Variants in IGF2R observed in about 807,000 individuals in gnomAD.
IGF2R encodes the protein cation-independent mannose-6-phosphate receptor.
In IGF2R, 91 loss-of-function variants were observed where a neutral mutation model predicts 270.6. The observed-to-expected ratio is 0.34, with a 90% CI of 0.28 to 0.40. The LOEUF is 0.40. Among genes scored for constraint, IGF2R ranks in the 10% least tolerant of loss-of-function variants. The pLI is 1.00. For synonymous variants in IGF2R, 1,316 were observed against 1,258.9 expected, an observed-to-expected ratio of 1.05 and a Z score of -0.96; for missense variants, 2,805 against 3,188.3, an observed-to-expected ratio of 0.88 and a Z score of 2.90.
rs150838855 is a variant in IGF2R at position 160,049,002 on chromosome 6, G to A, written c.2514+459G>A. Among the ~76,000 whole-genome samples, 973 of 152,268 alleles carry A rather than the reference G, an allele frequency of 6.4e-3. 6 individuals carry two copies. The highest frequency in any genetic ancestry group is 1.0e-2 in the Non-Finnish European group (677 of 68,020). ...CGTCCCTGGGTTGAATGCAGTCACC[G>A]CCAGAACATTTACCCGTCTCCTGTG... is the stretch of plus-strand genomic sequence containing the variant. On this transcript the variant is annotated intron_variant, in intron 18 of 47. Transcript: ENST00000356956.
chr6:160,061,513 A>C lies in IGF2R; in HGVS notation c.3273A>C (p.Gly1091=). 6.2e-7 allele frequency: 1 copy of C among 1,613,946 alleles called. No homozygotes were observed. The highest frequency in any genetic ancestry group is 8.5e-7 in the Non-Finnish European group (1 of 1,179,926). ...PVDCQVTDLA[G]NEYDLTGLST... ...TTTGTTGTGTTTCAGACCTGGCTGG[A>C]AATGAGTACGACCTGACTGGCCTAA... The change falls in exon 24 of 48, where the codon GGA becomes GGC. Residue 1091 remains glycine (G), a synonymous_variant. Transcript: ENST00000356956.
intron 1 of IGF2R, among the ~76,000 whole-genome samples, chr6:159,972,386 T>C (rs1783623383): frequency 6.6e-6 from 1 of 152,220 alleles, no homozygotes; most frequent in Non-Finnish European, 1.5e-5. Context: ...TTTCCATTGA[T>C]AGTATTCTTG....
chr6:160,068,154 CT>C, intron 29 of IGF2R, 94 bp from the exon 30 acceptor site: 2 of 1,435,564 alleles, frequency 1.4e-6, no homozygotes, highest in Non-Finnish European at 1.9e-6. Context: ...CAGGCTTAGA[CT>C]ATGCCTGAAT....
At chr6:160,098,085 C>A (rs1211337008) in intron 45 of IGF2R, among the ~76,000 whole-genome samples, 2 of 152,164 alleles carry the variant, frequency 1.3e-5, no homozygotes, top group Non-Finnish European at 2.9e-5. Context: ...TGAACTTTCC[C>A]TGCATTCTCT....
intron 2 of IGF2R, 52 bp from the exon 3 acceptor site, chr6:160,008,958 G>A: frequency 6.3e-7 from 1 of 1,587,226 alleles, no homozygotes; most frequent in Non-Finnish European, 8.6e-7. Context: ...GGAAATAGCT[G>A]TTTGGTTATG....
In IGF2R at chr6:160,068,314, T is replaced by C; in HGVS notation, c.4181T>C (p.Ile1394Thr). ...LSRYSDNWEA[I>T]TGTGDPEHYL... ...AGGTACAGTGACAACTGGGAAGCCA[T>C]CACTGGGACGGGGGACCCGGAGCAC... The change falls in exon 30 of 48, where the codon ATC (isoleucine) becomes ACC (threonine). Residue 1394 changes from isoleucine to threonine, a missense_variant. Physicochemically the swap from Ile to Thr is moderately conservative, Grantham distance 89. Transcript: ENST00000356956. 1 of 1,614,246 alleles carries C rather than the reference T, an allele frequency of 6.2e-7. No homozygotes were observed. The highest frequency in any genetic ancestry group is 8.5e-7 in the Non-Finnish European group (1 of 1,180,046).
In IGF2R at chr6:160,040,682, G is replaced by A. The variant is rs561986253; in HGVS notation, c.1438G>A (p.Gly480Arg). 8.2e-5 allele frequency: 133 copies of A among 1,614,218 alleles called. 1 individual carries two copies. In the South Asian group the frequency reaches 1.0e-3, roughly 13 times the overall value. ...KEDLLCGATDGKKRYDLSALV... is the reference protein window; with the variant it reads ...KEDLLCGATDRKKRYDLSALV... The stretch of plus-strand genomic sequence containing the variant: ...AGACCTCCTCTGCGGTGCCACCGAC[G>A]GGAAGAAGCGCTATGACCTGTCCGC... The change falls in exon 11 of 48, where the codon GGG becomes AGG. Residue 480 changes from glycine (G) to arginine (R), a missense_variant. By Grantham distance (125) the Gly-to-Arg change is moderately radical (BLOSUM62 -2). Transcript: ENST00000356956.
In IGF2R at chr6:160,063,604, A is replaced by G. The variant is rs1179305800; in HGVS notation, c.3860A>G (p.Glu1287Gly). Residue 1287 changes from glutamate to glycine, a missense_variant, in exon 27 of 48, where the codon GAA becomes GGA. Coordinates refer to ENST00000356956, the MANE Select transcript of IGF2R (RefSeq NM_000876.4). ...KVVSSCQEKR[E>G]PQGFHKVAGL... ...GTCTCCTCATGTCAGGAAAAGCGGG[A>G]ACCGCAGGGATTTCACAAAGTGGCA... The G allele has an allele frequency of 1.5e-5, 24 of 1,614,148 alleles. No homozygotes were observed. The highest frequency in any genetic ancestry group is 2.0e-5 in the Non-Finnish European group (24 of 1,179,976).
chr6:160,078,320 C>T lies in IGF2R; in HGVS notation c.5436C>T (p.Leu1812=), dbSNP rs1472916037. 1.2e-6 allele frequency: 2 copies of T among 1,614,100 alleles called. No individual in the cohort carries two copies. The highest frequency in any genetic ancestry group is 1.3e-5 in the African/African-American group (1 of 74,934). ...GTACCCTGACAGATGAGCAGCTCCT[C>T]TACAGCTTCAACTTGTCCAGCCTTT... ...DGCTLTDEQL[L]YSFNLSSLST... Residue 1812 remains leucine (L), a synonymous_variant, in exon 37 of 48, where the codon CTC becomes CTT. Coordinates refer to ENST00000356956, the MANE Select transcript of IGF2R (RefSeq NM_000876.4).
At chr6:160,030,450 A>G (rs944441502) in intron 7 of IGF2R, among the ~76,000 whole-genome samples, 2 of 152,200 alleles carry the variant, frequency 1.3e-5, no homozygotes, top group Non-Finnish European at 2.9e-5. Context: ...TGTGTGGGAT[A>G]TGGAGACAGT....
intron 21 of IGF2R, 122 bp from the exon 22 acceptor site, chr6:160,058,784 G>T: frequency 1.2e-6 from 1 of 841,554 alleles, no homozygotes; most frequent in Non-Finnish European, 1.9e-6. Flanking sequence ...TGGAAAGTTG[G>T]CAAGTTAACT....
At chr6:159,978,905 A>G (rs1392104209) in intron 1 of IGF2R, among the ~76,000 whole-genome samples, 1 of 152,138 alleles carries the variant, frequency 6.6e-6, no homozygotes, top group Non-Finnish European at 1.5e-5. Flanking sequence ...CTGGAGGGCA[A>G]GTTGTCCAGG....
chr6:160,088,749 C>G (rs1359812693), intron 42 of IGF2R, among the ~76,000 whole-genome samples: 6 of 152,158 alleles, frequency 3.9e-5, no homozygotes, highest in African/African-American at 1.4e-4. Flanking sequence ...AGCAAATTTT[C>G]CAGGTTTTGA....
chr6:159,984,950 A>G (rs1783859744), intron 1 of IGF2R, among the ~76,000 whole-genome samples: 1 of 152,242 alleles, frequency 6.6e-6, no homozygotes, highest in African/African-American at 2.4e-5. Flanking sequence ...ATTAAACTTA[A>G]TCATGGGTAT....
At chr6:160,095,416 C>T (rs80010378) in intron 44 of IGF2R, 1 of 152,332 alleles carries the variant, frequency 6.6e-6, no homozygotes, top group East Asian at 1.9e-4. Flanking sequence ...CCTAATGTAT[C>T]CTAGTCCAAA....
intron 10 of IGF2R, 131 bp from the exon 11 acceptor site, chr6:160,040,428 TA>T: frequency 2.9e-6 from 2 of 694,806 alleles, no homozygotes; most frequent in Non-Finnish European, 5.0e-6. Context: ...CCATGGTCTC[TA>T]AAAAAACCTG....
At chr6:160,012,745 T>TTTTA (rs1300346010) in intron 4 of IGF2R, among the ~76,000 whole-genome samples, 1 of 105,310 alleles carries the variant, frequency 9.5e-6, no homozygotes, top group East Asian at 5.6e-4. Context: ...CCCGGCTAAT[T>TTTTA]TATATATATA....
At chr6:159,974,529 A>T (rs183412514) in intron 1 of IGF2R, among the ~76,000 whole-genome samples, 37 of 152,296 alleles carry the variant, frequency 2.4e-4, no homozygotes, top group African/African-American at 7.7e-4. Context: ...GAACAGATTT[A>T]AAAAAATTTG....
chr6:159,984,809 C>T (rs559696422), intron 1 of IGF2R, among the ~76,000 whole-genome samples: 97 of 152,264 alleles, frequency 6.4e-4, no homozygotes, highest in African/African-American at 2.3e-3. Context: ...GTTTCAGTTA[C>T]CCATGGTCAC....
Sources: gnomAD v4.1 joint callset for allele counts (sites outside exome capture counted in the v4.1 genomes callset) on GRCh38, gnomAD v4.1.1 for gene constraint, MANE v1.5 for transcripts, NCBI Gene and HGNC (gene_info 2026-07-23, HGNC 2026-07-21) for gene names.